MLIP: variants seen among roughly 807,000 people sequenced by gnomAD.
The protein encoded by MLIP is muscular LMNA-interacting protein.
MLIP carries 79 observed loss-of-function variants against 84.8 expected under a neutral mutation model. The ratio of observed to expected loss-of-function variants is 0.93; its 90% CI spans 0.78 to 1.12. The LOEUF is 1.12. MLIP is among the 50% of genes most tolerant of loss of function. The pLI is 0.00. For missense variants in MLIP, 1,257 were observed against 1,160.6 expected, an observed-to-expected ratio of 1.08 and a Z score of -1.21; for synonymous variants, 504 against 463.0, an observed-to-expected ratio of 1.09 and a Z score of -1.14.
intron 1 of MLIP, chr6:54,046,269 AC>A (rs1243624135): frequency 8.1e-6 from 1 of 122,924 alleles, no homozygotes; most frequent in Admixed American, 7.9e-5. Flanking sequence ...GATGGACATT[AC>A]TTTTTTTTTT....
chr6:54,226,366 C>A (rs1362384434), intron 11 of MLIP, among the ~76,000 whole-genome samples: 1 of 152,112 alleles, frequency 6.6e-6, no homozygotes, highest in African/African-American at 2.4e-5. Context: ...TGTAGCCAGG[C>A]CTTTGCCTTC....
At chr6:54,074,873 G>T (rs1018256401) in intron 1 of MLIP, among the ~76,000 whole-genome samples, 35 of 152,154 alleles carry the variant, frequency 2.3e-4, no homozygotes, top group African/African-American at 7.2e-5. Context: ...ATAAAAGGAA[G>T]TGATAGGGAC....
intron 1 of MLIP, among the ~76,000 whole-genome samples, chr6:54,056,282 G>A (rs1345619550): frequency 6.6e-6 from 1 of 152,120 alleles, no homozygotes; most frequent in Non-Finnish European, 1.5e-5. Flanking sequence ...CCAAGTTTGA[G>A]GAATTGAAAG....
chr6:54,240,493 T>C (rs943431410), intron 12 of MLIP, among the ~76,000 whole-genome samples: 4 of 152,340 alleles, frequency 2.6e-5, no homozygotes, highest in African/African-American at 9.6e-5. Context: ...CTTTCAAAAG[T>C]TGCAGTGTTA....
chr6:54,060,653 A>G (rs1765913246), intron 1 of MLIP, among the ~76,000 whole-genome samples: 1 of 152,220 alleles, frequency 6.6e-6, no homozygotes, highest in African/African-American at 2.4e-5. Flanking sequence ...GAATGGGAGT[A>G]GGAAACATTT....
At chr6:54,255,716 T>C (rs1473715647) in intron 12 of MLIP, among the ~76,000 whole-genome samples, 1 of 152,182 alleles carries the variant, frequency 6.6e-6, no homozygotes, top group African/African-American at 2.4e-5. Flanking sequence ...AATATAACAG[T>C]AGGCATCACA....
At chr6:54,218,979 G>A (rs939458751) in intron 11 of MLIP, among the ~76,000 whole-genome samples, 7 of 150,454 alleles carry the variant, frequency 4.7e-5, no homozygotes, top group South Asian at 2.1e-4. Flanking sequence ...TGAAGCAGGC[G>A]GATCATGAGG....
intron 1 of MLIP, chr6:54,063,237 G>A (rs974420176): frequency 1.3e-5 from 2 of 151,128 alleles, no homozygotes; most frequent in Admixed American, 1.3e-4. Context: ...TTGCGGGGGA[G>A]GTCAAATTGT....
intron 12 of MLIP, among the ~76,000 whole-genome samples, chr6:54,251,706 GATAC>G: frequency 1.4e-5 from 1 of 73,694 alleles, no homozygotes; most frequent in South Asian, 3.8e-4. Context: ...TATAACATAT[GATAC>G]ATATATATTA....
intron 12 of MLIP, among the ~76,000 whole-genome samples, chr6:54,249,730 C>T (rs1300823363): frequency 1.6e-5 from 2 of 121,828 alleles, no homozygotes; most frequent in African/African-American, 4.0e-5. Context: ...CACACACACA[C>T]ACACATATAT....
At chr6:54,089,683 C>T (rs539430820) in intron 1 of MLIP, among the ~76,000 whole-genome samples, 4 of 152,212 alleles carry the variant, frequency 2.6e-5, no homozygotes, top group Admixed American at 1.3e-4. Flanking sequence ...GCCAAATATA[C>T]GTGAAGAATT....
intron 11 of MLIP, among the ~76,000 whole-genome samples, chr6:54,228,823 C>G (rs1037517758): frequency 6.6e-6 from 1 of 152,204 alleles, no homozygotes; most frequent in Admixed American, 6.5e-5. Context: ...CTATCAATAA[C>G]AACACTGTCC....
At chr6:54,196,656 A>T (rs1461695908) in intron 10 of MLIP, among the ~76,000 whole-genome samples, 1 of 152,094 alleles carries the variant, frequency 6.6e-6, no homozygotes, top group Non-Finnish European at 1.5e-5. Context: ...ATATTGAATT[A>T]TAGTCAGCAC....
intron 11 of MLIP, chr6:54,217,194 C>A: frequency 6.1e-6 from 6 of 985,298 alleles, no homozygotes; most frequent in Non-Finnish European, 6.0e-6. Flanking sequence ...AAAACCGCAG[C>A]GTGAAGAGGG....
intron 12 of MLIP, among the ~76,000 whole-genome samples, chr6:54,250,727 T>A (rs1342690729): frequency 6.6e-6 from 1 of 152,098 alleles, no homozygotes; most frequent in Non-Finnish European, 1.5e-5. Context: ...TTTCTCCCTA[T>A]TTTTCAACCA....
At chr6:54,257,250 CATTT>C in intron 12 of MLIP, 54 bp from the exon 13 acceptor site, 1 of 1,213,888 alleles carries the variant, frequency 8.2e-7, no homozygotes, top group African/African-American at 1.5e-5. Context: ...GAAATTTTAA[CATTT>C]ATTTTTTTCT....
intron 12 of MLIP, among the ~76,000 whole-genome samples, chr6:54,233,706 GCTGGATCAAATGGTATTT>G (rs564868767): frequency 0.015 from 2,331 of 152,294 alleles, 38 homozygotes; most frequent in Non-Finnish European, 0.025. Context: ...TAATGGGATT[GCTGGATCAAATGGTATTT>G]CTGGATCAAA....
At chr6:54,207,323 T>C (rs1463571078) in intron 11 of MLIP, among the ~76,000 whole-genome samples, 1 of 152,128 alleles carries the variant, frequency 6.6e-6, no homozygotes, top group East Asian at 1.9e-4. Flanking sequence ...TTAAAAATTG[T>C]CTTTTTGAGA....
At chr6:54,185,865 C>T (rs1163106193) in intron 9 of MLIP, among the ~76,000 whole-genome samples, 1 of 152,034 alleles carries the variant, frequency 6.6e-6, no homozygotes, top group Non-Finnish European at 1.5e-5. Context: ...ATAATGAAAA[C>T]TTAGGTGAAC....
Sources: gnomAD v4.1 joint callset for allele counts (sites outside exome capture counted in the v4.1 genomes callset) on GRCh38, gnomAD v4.1.1 for gene constraint, MANE v1.5 for transcripts, NCBI Gene and HGNC (gene_info 2026-07-23, HGNC 2026-07-21) for gene names.